STAG1: variants seen among roughly 807,000 people sequenced by gnomAD.
The protein encoded by STAG1 is STAG1 cohesin complex component.
STAG1 carries 26 observed loss-of-function variants against 170.9 expected under a neutral mutation model. The observed-to-expected ratio is 0.15, with a 90% confidence interval of 0.11 to 0.21. The LOEUF (loss-of-function observed/expected upper bound fraction) is 0.21. Ranked by LOEUF, STAG1 falls within the 10% of genes least tolerant of loss-of-function variation. The probability of loss-of-function intolerance (pLI) is 1.00; values close to 1 mark genes in which losing one functional copy is unlikely to be tolerated. For missense variants in STAG1, 964 were observed against 1,509.5 expected, an observed-to-expected ratio of 0.64 and a Z score of 5.99; for synonymous variants, 514 against 497.7, an observed-to-expected ratio of 1.03 and a Z score of -0.44.
chr3:136,521,557 G>C, intron 6 of STAG1, 140 bp from the exon 7 acceptor site: 1 of 628,952 alleles, frequency 1.6e-6, no homozygotes, highest in Non-Finnish European at 2.7e-6. Flanking sequence ...TAGCACATTT[G>C]ATTGCTTTAT....
chr3:136,606,916 T>G (rs1056023058), intron 3 of STAG1, among the ~76,000 whole-genome samples: 2 of 151,636 alleles, frequency 1.3e-5, no homozygotes, highest in African/African-American at 4.8e-5. Flanking sequence ...CCCGGCTAAC[T>G]TTTTTTTGTA....
chr3:136,616,528 C>T (rs1939603470), intron 3 of STAG1, among the ~76,000 whole-genome samples: 1 of 152,076 alleles, frequency 6.6e-6, no homozygotes, highest in Non-Finnish European at 1.5e-5. Context: ...AAAGTGATCA[C>T]AAAAGAGTGC....
chr3:136,466,760 C>A (rs12491275), intron 12 of STAG1, among the ~76,000 whole-genome samples: 114,505 of 152,028 alleles, frequency 0.75, 43,301 homozygotes, highest in East Asian at 0.86. Context: ...AGAGAAAGGT[C>A]GGGTTACCCA....
At chr3:136,391,557 A>G (rs982484810) in intron 22 of STAG1, among the ~76,000 whole-genome samples, 1 of 151,926 alleles carries the variant, frequency 6.6e-6, no homozygotes, top group African/African-American at 2.4e-5. Context: ...TTGTATTTTT[A>G]GTAGAGACAG....
chr3:136,734,573 T>C (rs915573691), intron 1 of STAG1, among the ~76,000 whole-genome samples: 1 of 152,164 alleles, frequency 6.6e-6, no homozygotes, highest in East Asian at 1.9e-4. Context: ...AAAGGATCTA[T>C]TGTTACGTGG....
At position 136,746,894 on chromosome 3, in the gene STAG1, C is replaced by T. The variant is rs951805940; in HGVS notation, c.-84+5301G>A. Among the ~76,000 whole-genome samples the T allele has an allele frequency of 1.3e-4, 20 of 151,966 alleles. No homozygotes were observed. The Middle Eastern group carries it at 0.01, about 78-fold the overall frequency. On this transcript the variant is annotated intron_variant, in intron 1 of 33. Coordinates refer to ENST00000383202, the MANE Select transcript of STAG1 (RefSeq NM_005862.3). ...GGCGGATCACCTGAGGTCAGGAGTT[C>T]GAGACCAGCCTGACCAACATGGAAA...
intron 9 of STAG1, among the ~76,000 whole-genome samples, chr3:136,498,821 C>A (rs1933307151): frequency 6.6e-6 from 1 of 152,086 alleles, no homozygotes; most frequent in Non-Finnish European, 1.5e-5. Flanking sequence ...TCCAATCAGA[C>A]AATCCACACT....
chr3:136,702,562 T>C (rs1312154517), intron 1 of STAG1, among the ~76,000 whole-genome samples: 2 of 151,954 alleles, frequency 1.3e-5, no homozygotes, highest in Non-Finnish European at 2.9e-5. Context: ...AATTTTTTAT[T>C]TTTAGTAGAG....
intron 6 of STAG1, among the ~76,000 whole-genome samples, chr3:136,537,046 C>T (rs770620926): frequency 4.6e-5 from 7 of 152,164 alleles, no homozygotes; most frequent in Non-Finnish European, 8.8e-5. Flanking sequence ...TTGCATATTA[C>T]AAATTCATTA....
At chr3:136,507,658 G>A (rs1933836731) in intron 7 of STAG1, among the ~76,000 whole-genome samples, 1 of 152,116 alleles carries the variant, frequency 6.6e-6, no homozygotes, top group African/African-American at 2.4e-5. Flanking sequence ...ATGAACCGTA[G>A]TGCCTGGTCT....
intron 13 of STAG1, among the ~76,000 whole-genome samples, chr3:136,462,973 A>C (rs1222869863): frequency 6.6e-6 from 1 of 152,208 alleles, no homozygotes; most frequent in East Asian, 1.9e-4. Flanking sequence ...CTACAGAAGC[A>C]ACAAATTATT....
chr3:136,630,343 A>C (rs568265620), intron 2 of STAG1, among the ~76,000 whole-genome samples: 2 of 152,238 alleles, frequency 1.3e-5, no homozygotes, highest in South Asian at 4.1e-4. Flanking sequence ...AATCTAAGGA[A>C]AAAGAAAGAA....
chr3:136,532,633 G>T (rs1044662596), intron 6 of STAG1, among the ~76,000 whole-genome samples: 7 of 151,990 alleles, frequency 4.6e-5, no homozygotes, highest in Admixed American at 4.6e-4. Flanking sequence ...CAACAAATGT[G>T]ATACATAACA....
intron 2 of STAG1, among the ~76,000 whole-genome samples, chr3:136,626,387 T>TG (rs1462132416): frequency 1.3e-5 from 2 of 148,552 alleles, no homozygotes; most frequent in Middle Eastern, 3.2e-3. Flanking sequence ...ATCACGCCAC[T>TG]GCACTCCAGC....
chr3:136,502,328 C>A (rs1396439084), intron 8 of STAG1, among the ~76,000 whole-genome samples: 1 of 152,146 alleles, frequency 6.6e-6, no homozygotes, highest in Non-Finnish European at 1.5e-5. Flanking sequence ...TGCTGGCTCA[C>A]GGTTCTGACT....
intron 1 of STAG1, among the ~76,000 whole-genome samples, chr3:136,748,024 C>T (rs1353538175): frequency 1.3e-5 from 2 of 151,666 alleles, no homozygotes; most frequent in African/African-American, 4.8e-5. Context: ...ATCCACCCAC[C>T]TTGGCCTCCC....
At chr3:136,509,885 T>C (rs1375653559) in intron 7 of STAG1, among the ~76,000 whole-genome samples, 1 of 152,202 alleles carries the variant, frequency 6.6e-6, no homozygotes, top group East Asian at 1.9e-4. Context: ...GTTATACACC[T>C]TGGAAATATG....
intron 4 of STAG1, among the ~76,000 whole-genome samples, chr3:136,577,961 G>A (rs1188653041): frequency 6.6e-6 from 1 of 152,164 alleles, no homozygotes; most frequent in Non-Finnish European, 1.5e-5. Context: ...TGAGATACCA[G>A]AGCCTCCCTG....
chr3:136,730,834 G>C (rs942328395), intron 1 of STAG1, among the ~76,000 whole-genome samples: 1 of 152,166 alleles, frequency 6.6e-6, no homozygotes, highest in Non-Finnish European at 1.5e-5. Flanking sequence ...ACACAATCAA[G>C]TAACACTTTC....
Sources: allele counts gnomAD v4.1 joint callset (sites outside exome capture counted in the v4.1 genomes callset), GRCh38; gene constraint gnomAD v4.1.1; transcripts MANE v1.5; gene names NCBI Gene and HGNC (gene_info 2026-07-23, HGNC 2026-07-21).